Variants in RAMP1 observed in about 807,000 individuals in gnomAD.
The protein encoded by RAMP1 is receptor activity-modifying protein 1.
A neutral mutation model predicts 8.2 loss-of-function variants in RAMP1; 7 were observed. The observed-to-expected ratio is 0.85, with a 90% confidence interval of 0.49 to 1.60. The LOEUF (loss-of-function observed/expected upper bound fraction) is 1.60. Among genes scored for constraint, RAMP1 ranks in the 40% most tolerant of loss-of-function variants. RAMP1 has a pLI of 0.00. For synonymous variants in RAMP1, 92 were observed against 84.7 expected (o/e 1.09, Z -0.47); for missense variants, 192 against 202.4 (o/e 0.95, Z 0.31).
At chr2:237,899,113 C>T (rs1025201274) in intron 2 of RAMP1, among the ~76,000 whole-genome samples, 39 of 152,098 alleles carry the variant, frequency 2.6e-4, no homozygotes, top group African/African-American at 9.2e-4. Context: ...CTCTGTCACC[C>T]ATGCTGGAGT....
In RAMP1 at chr2:237,912,030, G is replaced by GTCA. The variant is rs2151026433; in HGVS notation, c.*247_*248insTCA. 1.6e-6 allele frequency: 1 copy of GTCA among 607,470 alleles called. No homozygotes were observed. Among genetic ancestry groups the GTCA allele is most frequent in the South Asian group, 2.1e-5 (1 of 46,736 alleles). The allele number at this position is 607,470 out of a possible 1,614,324, so 37.6% of individuals were successfully genotyped here. On this transcript the variant is annotated 3_prime_UTR_variant, in exon 3 of 3. Coordinates refer to ENST00000254661, the MANE Select transcript of RAMP1 (RefSeq NM_005855.4). The stretch of plus-strand genomic sequence containing the variant: ...CGTGACCTTGACTTACCTCTGGAAA[G>GTCA]GGTCCCAGCCTAGACTGCTTACCCC...
rs991278836 is a variant in RAMP1, at chr2:237,877,376, C to G, written c.191+14C>G. The G allele has an allele frequency of 2.5e-6, 4 of 1,606,900 alleles. No individual in the cohort carries two copies. Among genetic ancestry groups the G allele is most frequent in the East Asian group, 2.2e-5 (1 of 44,820 alleles). ...CAGGACCATCAGGTGAGTCCCATGGCCCCTGGTGGGCAGGACACGGTTGGG... is the reference window on the plus strand; with the variant it reads ...CAGGACCATCAGGTGAGTCCCATGGGCCCTGGTGGGCAGGACACGGTTGGG... On this transcript the variant is annotated intron_variant, in intron 2 of 2. Transcript: ENST00000254661. This position sits in a 1 kb window ranked among gnomAD's most constrained non-coding sequence, Gnocchi z 4.4.
intron 2 of RAMP1, among the ~76,000 whole-genome samples, chr2:237,905,279 A>G (rs565221284): frequency 1.6e-4 from 24 of 152,284 alleles, no homozygotes; most frequent in African/African-American, 5.8e-4. Flanking sequence ...TTCTTTTATC[A>G]CATCCTCACT....
chr2:237,885,936 A>C (rs1471478879), intron 2 of RAMP1, among the ~76,000 whole-genome samples: 1 of 152,196 alleles, frequency 6.6e-6, no homozygotes, highest in East Asian at 1.9e-4. Flanking sequence ...GCAGAGGAGC[A>C]GGAAGAGCCC....
At chr2:237,899,917 A>C (rs1389692490) in intron 2 of RAMP1, among the ~76,000 whole-genome samples, 6 of 152,208 alleles carry the variant, frequency 3.9e-5, no homozygotes, top group Non-Finnish European at 7.3e-5. Context: ...GTCTCAATTA[A>C]AAAGAAAAAA....
intron 1 of RAMP1, among the ~76,000 whole-genome samples, chr2:237,873,180 C>G (rs768844901): frequency 3.9e-5 from 6 of 152,206 alleles, no homozygotes; most frequent in Non-Finnish European, 8.8e-5. Context: ...GACCTGCACT[C>G]TCTGTTTAGC....
intron 1 of RAMP1, among the ~76,000 whole-genome samples, chr2:237,875,965 C>T (rs2062298806): frequency 1.3e-5 from 2 of 152,180 alleles, no homozygotes; most frequent in South Asian, 4.1e-4. Context: ...CGGCCAAGTG[C>T]TCTCTGGTCC....
At chr2:237,886,564 G>A (rs927605822) in intron 2 of RAMP1, among the ~76,000 whole-genome samples, 44 of 152,136 alleles carry the variant, frequency 2.9e-4, no homozygotes, top group African/African-American at 1.0e-3. Context: ...TGGAGGCTGG[G>A]GCTGGAGCGG....
intron 2 of RAMP1, among the ~76,000 whole-genome samples, chr2:237,903,650 C>A (rs2062627686): frequency 6.6e-6 from 1 of 152,068 alleles, no homozygotes; most frequent in African/African-American, 2.4e-5. Flanking sequence ...CCTAAGCCTC[C>A]CAACTAGCTG....
chr2:237,895,661 G>T (rs1363734079), intron 2 of RAMP1, among the ~76,000 whole-genome samples: 1 of 152,264 alleles, frequency 6.6e-6, no homozygotes. Context: ...GCCCGGCAGG[G>T]GTCCCTGAAG....
chr2:237,887,575 G>A (rs879790646), intron 2 of RAMP1, among the ~76,000 whole-genome samples: 2 of 152,214 alleles, frequency 1.3e-5, no homozygotes, highest in African/African-American at 2.4e-5. Context: ...TCACTCTAGG[G>A]CAGGCCACAC....
chr2:237,881,687 C>T (rs1199016023), intron 2 of RAMP1, among the ~76,000 whole-genome samples: 3 of 152,174 alleles, frequency 2.0e-5, no homozygotes, highest in African/African-American at 7.2e-5. Flanking sequence ...GAACATCTTT[C>T]GTATGTTTAC....
In RAMP1 at chr2:237,862,084, C is replaced by T. The variant is rs1047684813; in HGVS notation, c.52+2357C>T. ...TCACACATGAACTCAGTCACCTGTC[C>T]TAGGAAACGCATGCCTTCCTTGGCT... On this transcript the variant is annotated intron_variant, in intron 1 of 2. Coordinates refer to ENST00000254661, the MANE Select transcript of RAMP1 (RefSeq NM_005855.4). The surrounding 1 kb of genome is among the most constrained non-coding windows in gnomAD (Gnocchi z 4.0). Among the ~76,000 whole-genome samples, 3 of 152,040 alleles carry T rather than the reference C, an allele frequency of 2.0e-5. No individual in the cohort carries two copies. Among genetic ancestry groups the T allele is most frequent in the African/African-American group, 4.8e-5 (2 of 41,384 alleles).
chr2:237,898,078 C>T (rs886402347), intron 2 of RAMP1, among the ~76,000 whole-genome samples: 7 of 152,146 alleles, frequency 4.6e-5, no homozygotes, highest in Non-Finnish European at 7.3e-5. Flanking sequence ...GGATTGCAGG[C>T]GGGAACCACT....
intron 1 of RAMP1, among the ~76,000 whole-genome samples, chr2:237,875,631 G>A (rs1274028215): frequency 6.6e-6 from 1 of 152,136 alleles, no homozygotes; most frequent in Non-Finnish European, 1.5e-5. Context: ...CTGGCTTCTT[G>A]GGCTAAACAT....
chr2:237,871,343 G>A (rs2062243186), intron 1 of RAMP1, among the ~76,000 whole-genome samples: 1 of 152,204 alleles, frequency 6.6e-6, no homozygotes, highest in East Asian at 1.9e-4. Context: ...AGTTTGACCT[G>A]GAGGGAAGCA....
chr2:237,907,584 G>A (rs983358631), intron 2 of RAMP1, among the ~76,000 whole-genome samples: 16 of 151,716 alleles, frequency 1.1e-4, no homozygotes, highest in African/African-American at 2.9e-4. Flanking sequence ...CTCAGTTTTC[G>A]TGTCTGCTGA....
At chr2:237,885,097 C>T (rs1410524185) in intron 2 of RAMP1, among the ~76,000 whole-genome samples, 2 of 152,264 alleles carry the variant, frequency 1.3e-5, no homozygotes, top group Admixed American at 6.5e-5. Context: ...GCATTTCCCT[C>T]CTGCTGCCTT....
intron 2 of RAMP1, among the ~76,000 whole-genome samples, chr2:237,899,069 G>GTGAT (rs1466904583): frequency 1.1e-5 from 1 of 87,194 alleles, no homozygotes; most frequent in Non-Finnish European, 2.3e-5. Flanking sequence ...GTTTGAGACA[G>GTGAT]TGATTTTTTT....
Sources: allele counts gnomAD v4.1 joint callset (sites outside exome capture counted in the v4.1 genomes callset), GRCh38; gene constraint gnomAD v4.1.1; non-coding constraint Gnocchi (gnomAD v3.1); transcripts MANE v1.5; gene names NCBI Gene and HGNC (gene_info 2026-07-23, HGNC 2026-07-21).